Variants in HEATR4 observed in about 807,000 individuals in gnomAD.
The protein encoded by HEATR4 is HEAT repeat containing 4, also known as HEAT repeat-containing protein 4.
A neutral mutation model predicts 108.8 loss-of-function variants in HEATR4; 95 were observed. The ratio of observed to expected loss-of-function variants is 0.87; its 90% CI spans 0.74 to 1.04. The LOEUF is 1.04. HEATR4 is among the 50% of genes least tolerant of loss of function. HEATR4 has a pLI of 0.00. For missense variants in HEATR4, 1,152 were observed against 1,253.8 expected (o/e 0.92, Z 1.23); for synonymous variants, 443 against 459.4 (o/e 0.96, Z 0.46).
the HEATR4 span, among the ~76,000 whole-genome samples, chr14:73,627,741 T>C: frequency 6.6e-6 from 1 of 152,282 alleles, no homozygotes; most frequent in South Asian, 2.1e-4. Context: ...TCATTGCCCA[T>C]TGGTGATCAG....
upstream of HEATR4, among the ~76,000 whole-genome samples, chr14:73,563,522 G>A (rs1889560347): frequency 6.6e-6 from 1 of 152,060 alleles, no homozygotes; most frequent in South Asian, 2.1e-4. Context: ...TTGAACCCGG[G>A]AGGTGGAGGT....
chr14:73,590,366 C>CA, the HEATR4 span, among the ~76,000 whole-genome samples: 2 of 152,258 alleles, frequency 1.3e-5, no homozygotes, highest in Non-Finnish European at 2.9e-5. Flanking sequence ...CTTAGCTAGA[C>CA]ATAAAGATTC....
At chr14:73,580,780 G>C in the HEATR4 span, 1 of 152,010 alleles carries the variant, frequency 6.6e-6, no homozygotes, top group Non-Finnish European at 1.5e-5. Context: ...ATGTGCATAA[G>C]GCACAGAAGC....
chr14:73,576,256 T>G, the HEATR4 span, among the ~76,000 whole-genome samples: 1 of 151,878 alleles, frequency 6.6e-6, no homozygotes, highest in Non-Finnish European at 1.5e-5. Flanking sequence ...AGTTCCTCCT[T>G]TAAGAATGGA....
intron 2 of HEATR4, among the ~76,000 whole-genome samples, chr14:73,524,306 A>ATATATATAT (rs1195056520): frequency 8.8e-5 from 8 of 90,978 alleles, no homozygotes; most frequent in Admixed American, 5.6e-4. Flanking sequence ...AAAAAAAAAA[A>ATATATATAT]AAAAATATAT....
chr14:73,613,887 C>T, the HEATR4 span, among the ~76,000 whole-genome samples: 501 of 152,152 alleles, frequency 3.3e-3, no homozygotes, highest in African/African-American at 8.9e-3. Context: ...TGACTTAAAC[C>T]TCTACCATAT....
At chr14:73,627,524 C>A in the HEATR4 span, among the ~76,000 whole-genome samples, 2 of 152,120 alleles carry the variant, frequency 1.3e-5, no homozygotes, top group Admixed American at 6.6e-5. Flanking sequence ...ACTTGGGAAA[C>A]ACTTACTTCC....
At chr14:73,494,702 C>A (rs1226812649) in intron 16 of HEATR4, among the ~76,000 whole-genome samples, 1 of 152,082 alleles carries the variant, frequency 6.6e-6, no homozygotes, top group Non-Finnish European at 1.5e-5. Flanking sequence ...CAGTGTGTGC[C>A]ACCACACCCA....
At chr14:73,568,364 C>A in the HEATR4 span, among the ~76,000 whole-genome samples, 26 of 145,292 alleles carry the variant, frequency 1.8e-4, 1 homozygote, top group South Asian at 5.1e-3. Context: ...AAAAAAAAAA[C>A]ACCACACCTC....
At chr14:73,626,820 C>CA in the HEATR4 span, among the ~76,000 whole-genome samples, 1 of 83,446 alleles carries the variant, frequency 1.2e-5, no homozygotes, top group African/African-American at 5.8e-5. Flanking sequence ...TTTTTTGAGA[C>CA]AGAGTTTTGC....
At chr14:73,521,111 C>T in intron 3 of HEATR4, 72 bp from the exon 4 acceptor site, 3 of 1,318,676 alleles carry the variant, frequency 2.3e-6, no homozygotes, top group Non-Finnish European at 3.2e-6. Context: ...ATTAAATCCA[C>T]AGCTCGTTCC....
rs367909112 is a variant in HEATR4 at position 73,492,784 on chromosome 14, C to T, written c.2844+282G>A. 4.3e-6 allele frequency: 7 copies of T among 1,613,838 alleles called. No homozygotes were observed. Among genetic ancestry groups the T allele is most frequent in the Non-Finnish European group, 5.9e-6 (7 of 1,179,896 alleles). On this transcript the variant is annotated intron_variant, in intron 17 of 17. Transcript: ENST00000553558. The surrounding 1 kb of genome is among the most constrained non-coding windows in gnomAD (Gnocchi z 4.9). ...AACCCAAGTGCTTGGAAATATACCC[C>T]CAGCAAGCTGATGCCATGGAACTGT...
At chr14:73,573,342 T>G in the HEATR4 span, 3 of 1,612,274 alleles carry the variant, frequency 1.9e-6, no homozygotes, top group Non-Finnish European at 2.5e-6. Context: ...CATCCAACTG[T>G]TTCAGGAATA....
the HEATR4 span, among the ~76,000 whole-genome samples, chr14:73,607,360 T>C: frequency 6.6e-6 from 1 of 152,150 alleles, no homozygotes; most frequent in African/African-American, 2.4e-5. Flanking sequence ...TGGCCCCTTT[T>C]AGCCAGGGCT....
chr14:73,479,854 C>T (rs1189553635), intron 17 of HEATR4, among the ~76,000 whole-genome samples: 1 of 152,064 alleles, frequency 6.6e-6, no homozygotes, highest in Admixed American at 6.6e-5. Flanking sequence ...AGATTACAGG[C>T]GTGAGCCACC....
the HEATR4 span, among the ~76,000 whole-genome samples, chr14:73,583,518 C>T: frequency 6.8e-6 from 1 of 147,008 alleles, no homozygotes; most frequent in African/African-American, 2.4e-5. Flanking sequence ...GCTTTTCTCC[C>T]TCACTCACTA....
chr14:73,624,560 C>T, the HEATR4 span, among the ~76,000 whole-genome samples: 1 of 152,174 alleles, frequency 6.6e-6, no homozygotes, highest in Non-Finnish European at 1.5e-5. Context: ...CATGATCACA[C>T]CACTGCACTC....
At chr14:73,565,607 C>G in the HEATR4 span, among the ~76,000 whole-genome samples, 1 of 151,870 alleles carries the variant, frequency 6.6e-6, no homozygotes, top group Non-Finnish European at 1.5e-5. Flanking sequence ...GGAGTTTCTT[C>G]CTTCTGGTGG....
chr14:73,509,811 C>T (rs6574124), intron 7 of HEATR4, among the ~76,000 whole-genome samples: 16,938 of 19,222 alleles, frequency 0.88, 7,438 homozygotes, highest in Middle Eastern at 1. Flanking sequence ...CCCATGAGCC[C>T]ATATATATAT....
Sources: gnomAD v4.1 joint callset for allele counts (sites outside exome capture counted in the v4.1 genomes callset) on GRCh38, gnomAD v4.1.1 for gene constraint, Gnocchi (gnomAD v3.1) non-coding constraint, MANE v1.5 for transcripts, NCBI Gene and HGNC (gene_info 2026-07-23, HGNC 2026-07-21) for gene names.